The following GREB1 variants were observed in gnomAD, a reference collection of about 807,000 sequenced individuals.
GREB1 encodes the protein protein GREB1.
GREB1 carries 106 observed loss-of-function variants against 200.7 expected under a neutral mutation model. That is an observed-to-expected ratio of 0.53 (90% CI 0.45 to 0.62). GREB1 has a LOEUF of 0.62. Among genes scored for constraint, GREB1 ranks in the 20% least tolerant of loss-of-function variants. The pLI, the probability that GREB1 is intolerant of heterozygous loss-of-function variation, is 0.00. For synonymous variants in GREB1, 1,132 were observed against 1,092.4 expected, an observed-to-expected ratio of 1.04 and a Z score of -0.72; for missense variants, 2,243 against 2,556.8, an observed-to-expected ratio of 0.88 and a Z score of 2.65.
Position 11,632,205 on chromosome 2 carries a change from T to G in GREB1, c.4816+92T>G, listed in dbSNP as rs933170543. 3 of 880,644 alleles carry G rather than the reference T, an allele frequency of 3.4e-6. No homozygotes were observed. The East Asian group carries it at 7.8e-5, about 23-fold the overall frequency. The allele number at this position is 880,644 out of a possible 1,614,324, so 54.6% of individuals were successfully genotyped here. On this transcript the variant is annotated intron_variant, in intron 27 of 32. Transcript: ENST00000381486. ...AGAGACAAAAGTTAAACATGTGACA[T>G]CAGGCCTTTTACTTTTGGACTTTTA...
At chr2:11,581,313 T>C (rs1366558306) in intron 7 of GREB1, 2 of 405,494 alleles carry the variant, frequency 4.9e-6, no homozygotes, top group Non-Finnish European at 8.8e-6. Flanking sequence ...AGGTGCTGTA[T>C]GAAAGGTCAG....
chr2:11,511,929 A>C (rs912061734), intron 1 of GREB1, among the ~76,000 whole-genome samples: 2 of 151,436 alleles, frequency 1.3e-5, no homozygotes, highest in Non-Finnish European at 2.9e-5. Flanking sequence ...TGTTATTACC[A>C]CCCACCGCCC....
chr2:11,483,229 C>T (rs143184242), intron 1 of GREB1, among the ~76,000 whole-genome samples: 79 of 145,748 alleles, frequency 5.4e-4, no homozygotes, highest in Admixed American at 1.3e-3. Flanking sequence ...GTGGGGTGTG[C>T]GTGCGTGTGC....
intron 7 of GREB1, among the ~76,000 whole-genome samples, chr2:11,582,205 G>A (rs2148083812): frequency 6.6e-6 from 1 of 152,324 alleles, no homozygotes; most frequent in South Asian, 2.1e-4. Context: ...GGAGATGAGG[G>A]CCTCCTTCAG....
chr2:11,570,473 A>C (rs1678152065), intron 4 of GREB1, among the ~76,000 whole-genome samples: 1 of 151,586 alleles, frequency 6.6e-6, no homozygotes, highest in Admixed American at 6.6e-5. Context: ...AAGATTTAAC[A>C]GGTATTTAAT....
At chr2:11,564,648 T>C (rs1471850187) in intron 3 of GREB1, among the ~76,000 whole-genome samples, 1 of 152,232 alleles carries the variant, frequency 6.6e-6, no homozygotes, top group Non-Finnish European at 1.5e-5. Context: ...TGGACCACAC[T>C]GGGCTGGGAG....
rs1173929992 is a variant in GREB1 at position 11,597,895 on chromosome 2, C to T, written c.2069C>T (p.Ser690Phe). The T allele has an allele frequency of 6.2e-7, 1 of 1,614,162 alleles. No individual in the cohort carries two copies. Among genetic ancestry groups the T allele is most frequent in the South Asian group, 1.1e-5 (1 of 91,088 alleles). ...AGCACCCAAAATCTGGACCTGGGAT[C>T]CTTTGAGAAGGTGGACTTTCTCATT... ...DSSTQNLDLG[S>F]FEKVDFLICI... is the part of the protein sequence containing the mutation. The change falls in exon 14 of 33, where the codon TCC becomes TTC. Residue 690 changes from serine to phenylalanine, a missense_variant. Ser to Phe is a radical substitution (Grantham distance 155, BLOSUM62 -2). This residue lies in a region of GREB1 where 1,178 missense variants were observed against 1,387.4 expected (regional missense o/e 0.85). Coordinates refer to ENST00000381486, the MANE Select transcript of GREB1 (RefSeq NM_014668.4). This position sits in a 1 kb window ranked among gnomAD's most constrained non-coding sequence, Gnocchi z 4.1.
In GREB1 at chr2:11,516,661, G is replaced by A. The variant is rs115511176; in HGVS notation, c.-159+34280G>A. 4.8e-3 allele frequency among the ~76,000 whole-genome samples: 719 copies of A among 150,104 alleles called. 4 individuals carry two copies. Among genetic ancestry groups the A allele is most frequent in the African/African-American group, 0.014 (576 of 39,980 alleles). ...GGCTGTGGGCCCATGCGGTTGAGGC[G>A]TGAGGGCCAAACGGCCTTACCCAAG... is the stretch of plus-strand genomic sequence containing the variant. On this transcript the variant is annotated intron_variant, in intron 1 of 2. Transcript: ENST00000628795.
chr2:11,553,952 A>G (rs1572679873), intron 1 of GREB1, among the ~76,000 whole-genome samples: 1 of 119,440 alleles, frequency 8.4e-6, no homozygotes, highest in South Asian at 3.6e-4. Context: ...TGTGTGCCTT[A>G]AGCTCTATAG....
intron 20 of GREB1, 148 bp downstream of exon 20, chr2:11,615,438 A>G: frequency 1.6e-6 from 1 of 635,990 alleles, no homozygotes; most frequent in Non-Finnish European, 2.7e-6. Context: ...GCTCTGGATG[A>G]GAGGTCTCCA....
intron 9 of GREB1, among the ~76,000 whole-genome samples, chr2:11,586,251 AT>A (rs1486541677): frequency 6.6e-6 from 1 of 152,218 alleles, no homozygotes; most frequent in Non-Finnish European, 1.5e-5. Context: ...AGTGCCGAAG[AT>A]TAGGAAAAAA....
At chr2:11,585,660 G>A (rs1039737547) in intron 8 of GREB1, 102 bp from the exon 9 acceptor site, 28 of 1,294,328 alleles carry the variant, frequency 2.2e-5, no homozygotes, top group Admixed American at 2.0e-4. Context: ...AATCAGGGAC[G>A]TTGGTCAGAG....
chr2:11,559,602 T>C (rs1315756150), intron 2 of GREB1, among the ~76,000 whole-genome samples: 1 of 152,196 alleles, frequency 6.6e-6, no homozygotes, highest in African/African-American at 2.4e-5. Flanking sequence ...CTCCCTTATT[T>C]CACTGATAGT....
intron 4 of GREB1, among the ~76,000 whole-genome samples, chr2:11,572,154 C>G (rs1429006790): frequency 6.6e-6 from 1 of 152,192 alleles, no homozygotes; most frequent in African/African-American, 2.4e-5. Flanking sequence ...GCCAAGTGGC[C>G]CTCTGCGCAG....
intron 10 of GREB1, among the ~76,000 whole-genome samples, chr2:11,590,390 G>C (rs963569712): frequency 1.3e-5 from 2 of 152,060 alleles, no homozygotes; most frequent in Non-Finnish European, 2.9e-5. Flanking sequence ...CTTCCCGGGG[G>C]CCCAGCCTGC....
rs755729420 is a variant in GREB1, at chr2:11,633,028, C to T, written c.4956C>T (p.Asn1652=). The part of the protein sequence containing the change: ...VISDDSCVMW[N]VVDVNSAGER... The stretch of plus-strand genomic sequence containing the variant: ...CTGATGACTCCTGCGTGATGTGGAA[C>T]GTGGTGGATGTCAACTCTGCTGGGG... The change falls in exon 28 of 33, where the codon AAC becomes AAT. Residue 1652 remains asparagine, a synonymous_variant. Coordinates refer to ENST00000381486, the MANE Select transcript of GREB1 (RefSeq NM_014668.4). The surrounding 1 kb of genome is among the most constrained non-coding windows in gnomAD (Gnocchi z 4.1). The T allele has an allele frequency of 4.3e-6, 7 of 1,614,162 alleles. No individual in the cohort carries two copies. The highest frequency in any genetic ancestry group is 3.3e-5 in the South Asian group (3 of 91,080).
chr2:11,580,785 A>C lies in GREB1; in HGVS notation c.854A>C (p.Gln285Pro), dbSNP rs899920855. ...GGCAAAGATTCCCCGAAGTGCCAAC[A>C]ACTGGCAAAGAATAACCTGTTGGCC... is the stretch of plus-strand genomic sequence containing the variant. ...FNGKDSPKCQ[Q>P]LAKNNLLALP... The change falls in exon 7 of 33, where the codon CAA becomes CCA. Residue 285 changes from glutamine to proline, a missense_variant. Gln to Pro is a moderately conservative substitution (Grantham distance 76). This residue lies in a region of GREB1 where 1,178 missense variants were observed against 1,387.4 expected (regional missense o/e 0.85). Transcript: ENST00000381486. This position sits in a 1 kb window ranked among gnomAD's most constrained non-coding sequence, Gnocchi z 4.5. 3 of 1,614,256 alleles carry C rather than the reference A, an allele frequency of 1.9e-6. No individual in the cohort carries two copies. The East Asian group carries it at 6.7e-5, about 36-fold the overall frequency.
At chr2:11,592,187 C>CA in intron 10 of GREB1, 1 of 311,754 alleles carries the variant, frequency 3.2e-6, no homozygotes, top group Non-Finnish European at 4.3e-6. Context: ...TTTTTTTTTT[C>CA]TTTTTTTTTT....
chr2:11,560,944 G>A (rs1040303904), intron 2 of GREB1, among the ~76,000 whole-genome samples: 3 of 152,328 alleles, frequency 2.0e-5, no homozygotes, highest in Admixed American at 6.5e-5. Flanking sequence ...GTACGATTCT[G>A]TGTACCCAGA....
Sources: allele counts gnomAD v4.1 joint callset (sites outside exome capture counted in the v4.1 genomes callset), GRCh38; gene constraint gnomAD v4.1.1; regional missense constraint gnomAD v4.1.1; non-coding constraint Gnocchi (gnomAD v3.1); transcripts MANE v1.5; gene names NCBI Gene and HGNC (gene_info 2026-07-23, HGNC 2026-07-21).